Variants in WNT2 observed in about 807,000 individuals in gnomAD.
WNT2 encodes Wnt family member 2, also known as protein Wnt-2.
WNT2 carries 12 observed loss-of-function variants against 36.9 expected under a neutral mutation model. The observed-to-expected ratio is 0.33, with a 90% CI of 0.21 to 0.53. The LOEUF is 0.53. WNT2 is among the 20% of genes least tolerant of loss of function. The pLI, the probability that WNT2 is intolerant of heterozygous loss-of-function variation, is 0.95. For missense variants in WNT2, 379 were observed against 473.1 expected (o/e 0.80, Z 1.84); for synonymous variants, 163 against 174.6 (o/e 0.93, Z 0.52).
At chr7:117,306,794 C>T (rs1795022370) in intron 3 of WNT2, among the ~76,000 whole-genome samples, 1 of 152,160 alleles carries the variant, frequency 6.6e-6, no homozygotes, top group African/African-American at 2.4e-5. Context: ...GTTCATGTGA[C>T]ATAGCTATGC....
chr7:117,312,168 G>T (rs982785822), intron 3 of WNT2, among the ~76,000 whole-genome samples: 11 of 152,104 alleles, frequency 7.2e-5, no homozygotes, highest in East Asian at 5.8e-4. Flanking sequence ...TTGTTTGTTT[G>T]TTTTGTTTTT....
At chr7:117,320,008 A>T (rs1247951149) in intron 2 of WNT2, among the ~76,000 whole-genome samples, 1 of 152,222 alleles carries the variant, frequency 6.6e-6, no homozygotes, top group Non-Finnish European at 1.5e-5. Flanking sequence ...CAGAATTTAC[A>T]ATCTGTTGGG....
intron 4 of WNT2, among the ~76,000 whole-genome samples, chr7:117,282,658 G>A (rs1219941482): frequency 6.6e-6 from 1 of 152,182 alleles, no homozygotes; most frequent in African/African-American, 2.4e-5. Flanking sequence ...GTGAGGGGAA[G>A]CTGCACTGGG....
intron 4 of WNT2, among the ~76,000 whole-genome samples, chr7:117,285,928 A>T (rs1441638341): frequency 6.6e-6 from 1 of 152,206 alleles, no homozygotes; most frequent in African/African-American, 2.4e-5. Flanking sequence ...TGCAGACTCG[A>T]AACTTCTTGT....
At chr7:117,306,854 T>G (rs563559090) in intron 3 of WNT2, among the ~76,000 whole-genome samples, 2 of 152,330 alleles carry the variant, frequency 1.3e-5, no homozygotes, top group East Asian at 3.9e-4. Context: ...ACTCTTTTGG[T>G]GTTTAGCTTC....
chr7:117,316,432 A>C (rs142180362), intron 2 of WNT2, among the ~76,000 whole-genome samples: 1 of 152,182 alleles, frequency 6.6e-6, no homozygotes, highest in Non-Finnish European at 1.5e-5. Flanking sequence ...TAACAATCCA[A>C]ATAGAAGCTG....
At chr7:117,312,788 G>A (rs2116383119) in intron 3 of WNT2, among the ~76,000 whole-genome samples, 2 of 152,180 alleles carry the variant, frequency 1.3e-5, no homozygotes, top group South Asian at 4.2e-4. Flanking sequence ...GACACATGAG[G>A]GTGCTCTAAC....
intron 3 of WNT2, among the ~76,000 whole-genome samples, chr7:117,301,643 T>C (rs978022150): frequency 6.6e-6 from 1 of 152,112 alleles, no homozygotes; most frequent in African/African-American, 2.4e-5. Flanking sequence ...GAAAGGAAAA[T>C]CCCTGGTCAC....
intron 3 of WNT2, among the ~76,000 whole-genome samples, chr7:117,299,272 A>C (rs1794856108): frequency 6.6e-6 from 1 of 151,524 alleles, no homozygotes. Context: ...GGGCTCCACC[A>C]CTCTTCCCCA....
intron 4 of WNT2, among the ~76,000 whole-genome samples, chr7:117,289,034 C>G (rs183044642): frequency 6.9e-6 from 1 of 145,292 alleles, no homozygotes; most frequent in African/African-American, 2.6e-5. Flanking sequence ...TCTGCTGATG[C>G]ATTAGTTCAC....
chr7:117,285,942 C>T (rs1270214600), intron 4 of WNT2, among the ~76,000 whole-genome samples: 1 of 152,150 alleles, frequency 6.6e-6, no homozygotes, highest in East Asian at 1.9e-4. Context: ...TTCTTGTCAT[C>T]TTTATACCAA....
intron 4 of WNT2, among the ~76,000 whole-genome samples, chr7:117,279,477 C>T (rs1177942500): frequency 6.6e-6 from 1 of 152,186 alleles, no homozygotes; most frequent in Non-Finnish European, 1.5e-5. Context: ...GTGATTTTGA[C>T]ACAGATGATC....
At chr7:117,321,745 G>A (rs1440105269) in intron 1 of WNT2, among the ~76,000 whole-genome samples, 1 of 152,182 alleles carries the variant, frequency 6.6e-6, no homozygotes, top group East Asian at 1.9e-4. Flanking sequence ...AATAAATAAT[G>A]TTTATACACC....
intron 2 of WNT2, among the ~76,000 whole-genome samples, chr7:117,316,489 G>A (rs1051953875): frequency 2.6e-5 from 4 of 152,216 alleles, no homozygotes; most frequent in Non-Finnish European, 5.9e-5. Flanking sequence ...ACCATTTGGT[G>A]ATTCAATATG....
rs1031706905 is a variant in WNT2 at position 117,278,088 on chromosome 7, T to G, written c.*67A>C. 6.5e-7 allele frequency: 1 copy of G among 1,534,256 alleles called. No homozygotes were observed. Among genetic ancestry groups the G allele is most frequent in the African/African-American group, 1.4e-5 (1 of 73,302 alleles). On this transcript the variant is annotated 3_prime_UTR_variant, in exon 5 of 5. Coordinates refer to ENST00000265441, the MANE Select transcript of WNT2 (RefSeq NM_003391.3). Reference sequence around the variant, plus strand: ...TATCCCCCCAGAAAGAACCCAAAGGTCCAGTGTTCTTGCAGATCCAATGGA... The same window carrying G: ...TATCCCCCCAGAAAGAACCCAAAGGGCCAGTGTTCTTGCAGATCCAATGGA...
chr7:117,319,728 G>T (rs1008866140), intron 2 of WNT2, among the ~76,000 whole-genome samples: 2 of 152,180 alleles, frequency 1.3e-5, no homozygotes, highest in Non-Finnish European at 2.9e-5. Flanking sequence ...GTCCTAGCTA[G>T]TGAGCTACTT....
chr7:117,305,019 G>A (rs960599694), intron 3 of WNT2, among the ~76,000 whole-genome samples: 1 of 152,102 alleles, frequency 6.6e-6, no homozygotes, highest in Non-Finnish European at 1.5e-5. Context: ...GAAATGAGTT[G>A]TGATCAGCTC....
chr7:117,280,335 C>G (rs1177597934), intron 4 of WNT2, among the ~76,000 whole-genome samples: 1 of 152,188 alleles, frequency 6.6e-6, no homozygotes, highest in Admixed American at 6.5e-5. Flanking sequence ...CTCTTCACAG[C>G]ACACCCATTA....
chr7:117,286,336 G>T (rs1000899740), intron 4 of WNT2, among the ~76,000 whole-genome samples: 5 of 152,082 alleles, frequency 3.3e-5, no homozygotes, highest in African/African-American at 1.2e-4. Context: ...GAACAGAGGG[G>T]TTTTTGCTAA....
Sources: gnomAD v4.1 joint callset for allele counts (sites outside exome capture counted in the v4.1 genomes callset) on GRCh38, gnomAD v4.1.1 for gene constraint, MANE v1.5 for transcripts, NCBI Gene and HGNC (gene_info 2026-07-23, HGNC 2026-07-21) for gene names.